Variants in PHLDA3 observed in about 807,000 individuals in gnomAD.
PHLDA3 encodes the protein pleckstrin homology like domain family A member 3, also known as pleckstrin homology-like domain family A member 3.
A neutral mutation model predicts 7.6 loss-of-function variants in PHLDA3; 12 were observed. The observed-to-expected ratio is 1.58, with a 90% CI of 1.01 to 2.55. PHLDA3 has a LOEUF of 2.55. Ranked by LOEUF, PHLDA3 falls within the 30% of genes most tolerant of loss-of-function variation. The probability of loss-of-function intolerance (pLI) is 0.00; values close to 1 mark genes in which losing one functional copy is unlikely to be tolerated. For synonymous variants in PHLDA3, 104 were observed against 85.1 expected, an observed-to-expected ratio of 1.22 and a Z score of -1.23; for missense variants, 177 against 175.6, an observed-to-expected ratio of 1.01 and a Z score of -0.05.
intron 1 of PHLDA3, 71 bp downstream of exon 1, chr1:201,468,270 C>T (rs566457907): frequency 9.5e-7 from 1 of 1,054,788 alleles, no homozygotes; most frequent in Non-Finnish European, 1.4e-6. Flanking sequence ...GAATGCTAGT[C>T]CTCATTCTCT....
intron 1 of PHLDA3, 165 bp from the exon 2 acceptor site, chr1:201,466,343 C>A (rs1317762506): frequency 1.3e-5 from 2 of 152,300 alleles, no homozygotes; most frequent in East Asian, 3.9e-4. Flanking sequence ...TCCCAGGCCC[C>A]CAAGACCTGA....
chr1:201,466,099 G>A lies in PHLDA3; in HGVS notation c.*142C>T, dbSNP rs1019694291. 21 of 155,158 alleles carry A rather than the reference G, an allele frequency of 1.4e-4. No individual in the cohort carries two copies. The highest frequency in any genetic ancestry group is 3.1e-4 in the African/African-American group (13 of 41,466). The allele number at this position is 155,158 out of a possible 1,614,324, so 9.6% of individuals were successfully genotyped here. A position where few individuals can be genotyped will look rare whatever the true frequency, so the allele number is the denominator to read the frequency against. The stretch of plus-strand genomic sequence containing the variant: ...GCTCGTCCATTCCTTCAGCTCCAGC[G>A]CCTCCTCCACACGTCCATGCCTTCC... On this transcript the variant is annotated 3_prime_UTR_variant, in exon 2 of 2. Coordinates refer to ENST00000367311, the MANE Select transcript of PHLDA3 (RefSeq NM_012396.5).
At position 201,464,511 on chromosome 1, in the gene PHLDA3, A is replaced by G. The variant is rs1473138201; in HGVS notation, c.*1730T>C. ...GGACTCTGAGGGACTGGGGCACAGG[A>G]CAGGGAAGTTTTTATTGGAAGGCGA... On this transcript the variant is annotated 3_prime_UTR_variant, in exon 2 of 2. Transcript: ENST00000367311. 6.6e-6 allele frequency: 1 copy of G among 152,280 alleles called. No individual in the cohort carries two copies. Among genetic ancestry groups the G allele is most frequent in the Non-Finnish European group, 1.5e-5 (1 of 68,056 alleles). The allele number at this position is 152,280 out of a possible 1,614,324, so 9.4% of individuals were successfully genotyped here.
At chr1:201,467,147 CAA>C (rs556126430) in intron 1 of PHLDA3, among the ~76,000 whole-genome samples, 1 of 146,342 alleles carries the variant, frequency 6.8e-6, no homozygotes, top group South Asian at 2.1e-4. Context: ...CCCAAATCTA[CAA>C]AAAAAAAAAT....
Position 201,469,063 on chromosome 1 carries a change from A to G in PHLDA3, c.-277T>C. ...TGGCCCAGCCCGACCCGCCTCTGCC[A>G]GATGCCTCCGCGCCTCCCTAGGCCG... is the stretch of plus-strand genomic sequence containing the variant. On this transcript the variant is annotated 5_prime_UTR_variant, in exon 1 of 2. Coordinates refer to ENST00000367311, the MANE Select transcript of PHLDA3 (RefSeq NM_012396.5). The G allele has an allele frequency of 5.5e-6, 2 of 364,810 alleles. No homozygotes were observed. The highest frequency in any genetic ancestry group is 1.7e-4 in the South Asian group (2 of 11,454). 22.6% of individuals were successfully genotyped at this position (364,810 alleles called of 1,614,324 possible).
At position 201,465,612 on chromosome 1, in the gene PHLDA3, G is replaced by A. The variant is rs1053592; in HGVS notation, c.*629C>T. 0.52 allele frequency: 80,840 copies of A among 154,858 alleles called. 22,245 individuals are homozygous for A. The highest frequency in any genetic ancestry group is 0.62 in the Non-Finnish European group (42,470 of 68,278). The allele number at this position is 154,858 out of a possible 1,614,324, so 9.6% of individuals were successfully genotyped here. A position where few individuals can be genotyped will look rare whatever the true frequency, so the allele number is the denominator to read the frequency against. On this transcript the variant is annotated 3_prime_UTR_variant, in exon 2 of 2. Transcript: ENST00000367311. ...GAACACCGCAGTGGGGGGAAGATGC[G>A]TAGAGGTGGGGGAAGAAGTGTGCAA...
At chr1:201,466,672 A>T (rs1041196457) in intron 1 of PHLDA3, 4 of 152,228 alleles carry the variant, frequency 2.6e-5, no homozygotes, top group African/African-American at 9.7e-5. Context: ...AAGAGGGCAC[A>T]GGGCTGAGAG....
Position 201,468,437 on chromosome 1 carries a change from C to T in PHLDA3, c.350G>A (p.Arg117Gln), listed in dbSNP as rs757243816. ...GAGGGTCCCGGTCCCGAGGCTCTGC[C>T]GGGCCCGCACTGTCTGGATGGCCTG... Reference protein sequence around the residue: ...NQQAIQTVRARQSLGTGTLVS With the variant: ...NQQAIQTVRAQQSLGTGTLVS The change falls in exon 1 of 2, where the codon CGG (arginine) becomes CAG (glutamine). Residue 117 changes from arginine to glutamine, a missense_variant. Physicochemically the swap from Arg to Gln is conservative, Grantham distance 43. Coordinates refer to ENST00000367311, the MANE Select transcript of PHLDA3 (RefSeq NM_012396.5). The T allele has an allele frequency of 1.9e-6, 3 of 1,614,036 alleles. No homozygotes were observed. The Admixed American group carries it at 5.0e-5, about 27-fold the overall frequency.
Position 201,468,756 on chromosome 1 carries a change from T to A in PHLDA3, c.31A>T (p.Lys11Ter). 1.9e-6 allele frequency: 3 copies of A among 1,584,418 alleles called. No individual in the cohort carries two copies. In the South Asian group the frequency reaches 3.4e-5, roughly 18 times the overall value. ...CTGCGCTTCTCCAGCACGCCCTCCT[T>A]GAGCACGGTAGCCGTCGCCGCCGCC... MTAAATATVL[K>*]EGVLEKRSGG... The change falls in exon 1 of 2, where the codon AAG (lysine) becomes TAG (stop). Residue 11 changes from lysine (K) to a stop codon, truncating the protein, a stop_gained. Coordinates refer to ENST00000367311, the MANE Select transcript of PHLDA3 (RefSeq NM_012396.5). LOFTEE classifies it high-confidence loss of function.
At chr1:201,467,917 C>CCCACCCT (rs948803556) in intron 1 of PHLDA3, among the ~76,000 whole-genome samples, 2 of 152,098 alleles carry the variant, frequency 1.3e-5, no homozygotes, top group South Asian at 4.2e-4. Context: ...GATCCGCGTC[C>CCCACCCT]CCACCCTCGG....
intron 1 of PHLDA3, among the ~76,000 whole-genome samples, chr1:201,468,054 C>T (rs144555320): frequency 2.4e-4 from 37 of 152,356 alleles, no homozygotes; most frequent in Middle Eastern, 3.4e-3. Flanking sequence ...CAGGGCTGAA[C>T]CAACTTGAAA....
chr1:201,464,993 G>A lies in PHLDA3; in HGVS notation c.*1248C>T, dbSNP rs1033632383. On this transcript the variant is annotated 3_prime_UTR_variant, in exon 2 of 2. Coordinates refer to ENST00000367311, the MANE Select transcript of PHLDA3 (RefSeq NM_012396.5). ...CTCACCTGGCTAATTTTTGTTTTTA[G>A]TAGAGACAGGGTTTCACCAAGTTGG... 5.9e-5 allele frequency: 9 copies of A among 152,108 alleles called. No homozygotes were observed. Among genetic ancestry groups the A allele is most frequent in the Admixed American group, 3.3e-4 (5 of 15,276 alleles). 9.4% of individuals were successfully genotyped at this position (152,108 alleles called of 1,614,324 possible). A position where few individuals can be genotyped will look rare whatever the true frequency, so the allele number is the denominator to read the frequency against.
rs1415703791 is a variant in PHLDA3 at position 201,468,547 on chromosome 1, GC to G, written c.239del (p.Gly80AlafsTer21). The G allele has an allele frequency of 1.9e-6, 3 of 1,614,048 alleles. No homozygotes were observed. The highest frequency in any genetic ancestry group is 2.5e-6 in the Non-Finnish European group (3 of 1,180,012). On this transcript the variant is annotated frameshift_variant, in exon 1 of 2. Coordinates refer to ENST00000367311, the MANE Select transcript of PHLDA3 (RefSeq NM_012396.5). LOFTEE classifies it high-confidence loss of function. ...GGGGGCAGCGGAAGTCGATCTCGCC[GC>G]CCCCTTCGGTCACCAGCGTGAAGTA... Reference protein sequence around the residue: ...HIYFTLVTEGGGEIDFRCPLE... With the variant: ...HIYFTLVTEGXGEIDFRCPLE...
chr1:201,468,813 C>A lies in PHLDA3; in HGVS notation c.-27G>T, dbSNP rs1187417996. ...GGCGCCCCGAGGTTCGCGGAAAGCT[C>A]CAGGCTGCGGCGGGCGCGGCGCCCC... On this transcript the variant is annotated 5_prime_UTR_variant, in exon 1 of 2. Transcript: ENST00000367311. 3 of 1,498,556 alleles carry A rather than the reference C, an allele frequency of 2.0e-6. No individual in the cohort carries two copies. Among genetic ancestry groups the A allele is most frequent in the South Asian group, 1.3e-5 (1 of 79,338 alleles). 92.8% of individuals were successfully genotyped at this position (1,498,556 alleles called of 1,614,324 possible). A position where few individuals can be genotyped will look rare whatever the true frequency, so the allele number is the denominator to read the frequency against.
chr1:201,468,763 G>A lies in PHLDA3; in HGVS notation c.24C>T (p.Thr8=), dbSNP rs977922994. The change falls in exon 1 of 2, where the codon ACC becomes ACT. Residue 8 remains threonine (T), a synonymous_variant. Transcript: ENST00000367311. MTAAATA[T]VLKEGVLEKR... is the part of the protein sequence containing the mutation. ...TCTCCAGCACGCCCTCCTTGAGCAC[G>A]GTAGCCGTCGCCGCCGCCGTCATGG... 15 of 1,571,682 alleles carry A rather than the reference G, an allele frequency of 9.5e-6. 1 individual carries two copies. The South Asian group carries it at 1.2e-4, about 13-fold the overall frequency.
Position 201,468,604 on chromosome 1 carries a change from C to T in PHLDA3, c.183G>A (p.Val61=), listed in dbSNP as rs1240314483. ...GGCGCCCGGTGCTCTCCACGCACTCCACGGCCTTGATGCGGGCGAAGCTGA... is the reference window on the plus strand; with the variant it reads ...GGCGCCCGGTGCTCTCCACGCACTCTACGGCCTTGATGCGGGCGAAGCTGA... ...KELSFARIKA[V]ECVESTGRHI... is the part of the protein sequence containing the mutation. Residue 61 remains valine (V), a synonymous_variant, in exon 1 of 2, where the codon GTG becomes GTA. Coordinates refer to ENST00000367311, the MANE Select transcript of PHLDA3 (RefSeq NM_012396.5). The T allele has an allele frequency of 1.2e-6, 2 of 1,613,826 alleles. No homozygotes were observed. The highest frequency in any genetic ancestry group is 2.2e-5 in the East Asian group (1 of 44,886).
rs1183754772 is a variant in PHLDA3 at position 201,468,299 on chromosome 1, G to A, written c.*62+42C>T. On this transcript the variant is annotated intron_variant, in intron 1 of 1. Transcript: ENST00000367311. The stretch of plus-strand genomic sequence containing the variant: ...ATTCTCTCTGTAGGGGAAAGAGAAG[G>A]GAGGGAAGGAGAGAAGAGGGCCCAG... 7 of 1,235,358 alleles carry A rather than the reference G, an allele frequency of 5.7e-6. No homozygotes were observed. The East Asian group carries it at 1.2e-4, about 21-fold the overall frequency. 76.5% of individuals were successfully genotyped at this position (1,235,358 alleles called of 1,614,324 possible). A position where few individuals can be genotyped will look rare whatever the true frequency, so the allele number is the denominator to read the frequency against.
chr1:201,468,112 C>T (rs1558299346), intron 1 of PHLDA3, among the ~76,000 whole-genome samples: 1 of 152,230 alleles, frequency 6.6e-6, no homozygotes, highest in Non-Finnish European at 1.5e-5. Flanking sequence ...TTCCATCTTC[C>T]TCTCACACAC....
chr1:201,466,926 C>T (rs578153978), intron 1 of PHLDA3, among the ~76,000 whole-genome samples: 1 of 152,312 alleles, frequency 6.6e-6, no homozygotes, highest in South Asian at 2.1e-4. Context: ...GCCCCCACCC[C>T]TTGGCATCAG....
Sources: allele counts gnomAD v4.1 joint callset (sites outside exome capture counted in the v4.1 genomes callset), GRCh38; gene constraint gnomAD v4.1.1; transcripts MANE v1.5; gene names NCBI Gene and HGNC (gene_info 2026-07-23, HGNC 2026-07-21).